Variants in GTF2IRD1 observed in about 807,000 individuals in gnomAD.
GTF2IRD1 encodes GTF2I repeat domain containing 1.
GTF2IRD1 carries 26 observed loss-of-function variants against 113.2 expected under a neutral mutation model. That is an observed-to-expected ratio of 0.23 (90% confidence interval 0.17 to 0.32). The LOEUF (loss-of-function observed/expected upper bound fraction) is 0.32, where lower values mean the gene tolerates loss of function less well. Ranked by LOEUF, GTF2IRD1 falls within the 10% of genes least tolerant of loss-of-function variation. The pLI, the probability that GTF2IRD1 is intolerant of heterozygous loss-of-function variation, is 1.00. For synonymous variants in GTF2IRD1, 484 were observed against 529.1 expected, an observed-to-expected ratio of 0.91 and a Z score of 1.17; for missense variants, 864 against 1,280.8, an observed-to-expected ratio of 0.67 and a Z score of 4.97.
chr7:74,571,580 A>C (rs1800697459), intron 22 of GTF2IRD1, among the ~76,000 whole-genome samples: 1 of 152,224 alleles, frequency 6.6e-6, no homozygotes, highest in African/African-American at 2.4e-5. Context: ...ACATGCTGCT[A>C]GCTGGGCACA....
At chr7:74,574,621 G>C (rs1040791165) in intron 22 of GTF2IRD1, among the ~76,000 whole-genome samples, 5 of 151,342 alleles carry the variant, frequency 3.3e-5, no homozygotes, top group Admixed American at 1.3e-4. Context: ...CACCGTGCCA[G>C]GCTAATTTTT....
intron 7 of GTF2IRD1, among the ~76,000 whole-genome samples, chr7:74,521,903 G>T (rs1159195563): frequency 6.6e-6 from 1 of 152,176 alleles, no homozygotes; most frequent in Non-Finnish European, 1.5e-5. Flanking sequence ...CTTTCATGAG[G>T]ATGCAGTCAA....
intron 2 of GTF2IRD1, among the ~76,000 whole-genome samples, chr7:74,508,690 T>TAAAAAAAAAAA (rs35760074): frequency 5.6e-4 from 74 of 132,048 alleles, no homozygotes; most frequent in African/African-American, 2.0e-3. Context: ...GACTCCGTCT[T>TAAAAAAAAAAA]AAAAAAAAAA....
chr7:74,490,943 A>G (rs1160341487), intron 1 of GTF2IRD1, among the ~76,000 whole-genome samples: 1 of 152,148 alleles, frequency 6.6e-6, no homozygotes, highest in African/African-American at 2.4e-5. Context: ...GGGTACAGCC[A>G]GTGAAGGAGC....
intron 4 of GTF2IRD1, among the ~76,000 whole-genome samples, chr7:74,517,646 C>T (rs1797027609): frequency 6.6e-6 from 1 of 151,912 alleles, no homozygotes; most frequent in Admixed American, 6.6e-5. Context: ...TCTCGAACTC[C>T]TGGCCTCAAG....
rs587674877 is a variant in GTF2IRD1, at chr7:74,549,986, G to A, written c.1916+2700G>A. On this transcript the variant is annotated intron_variant, in intron 17 of 26. Transcript: ENST00000424337. ...CAGGAGGCAGAAGTTGCAGTGAGCC[G>A]AGATCACGCCGTTGCACTCCAGCCT... 8.6e-5 allele frequency among the ~76,000 whole-genome samples: 13 copies of A among 151,604 alleles called. No homozygotes were observed. In the South Asian group the frequency reaches 1.9e-3, roughly 22 times the overall value.
chr7:74,541,261 C>T (rs1356439274), intron 14 of GTF2IRD1, among the ~76,000 whole-genome samples: 2 of 151,548 alleles, frequency 1.3e-5, no homozygotes, highest in Non-Finnish European at 2.9e-5. Flanking sequence ...GAGGCCAAGG[C>T]GAGGGTACTG....
At chr7:74,484,178 A>G (rs1270243768) in intron 1 of GTF2IRD1, among the ~76,000 whole-genome samples, 1 of 152,240 alleles carries the variant, frequency 6.6e-6, no homozygotes, top group Non-Finnish European at 1.5e-5. Flanking sequence ...ATTCTCTGTC[A>G]GCGTAATGGC....
chr7:74,595,139 C>A, intron 25 of GTF2IRD1, 88 bp downstream of exon 25: 1 of 881,176 alleles, frequency 1.1e-6, no homozygotes, highest in Non-Finnish European at 1.8e-6. Flanking sequence ...GGCGCAGTGG[C>A]TCATGCCTGT....
intron 1 of GTF2IRD1, among the ~76,000 whole-genome samples, chr7:74,456,973 C>T (rs1793026945): frequency 6.6e-6 from 1 of 152,012 alleles, no homozygotes; most frequent in African/African-American, 2.4e-5. Flanking sequence ...CTTTATATCC[C>T]CATGATGTCC....
At chr7:74,562,920 C>T (rs782610514) in intron 22 of GTF2IRD1, among the ~76,000 whole-genome samples, 1 of 152,090 alleles carries the variant, frequency 6.6e-6, no homozygotes, top group Admixed American at 6.6e-5. Flanking sequence ...ACAGAATGGA[C>T]CTTAGTCTGC....
At chr7:74,561,361 A>G (rs1426731671) in intron 22 of GTF2IRD1, among the ~76,000 whole-genome samples, 3 of 149,550 alleles carry the variant, frequency 2.0e-5, no homozygotes, top group African/African-American at 7.5e-5. Context: ...AAAAAAAAAA[A>G]AAAAGAACTT....
chr7:74,566,222 C>T (rs1459136032), intron 22 of GTF2IRD1, among the ~76,000 whole-genome samples: 1 of 152,192 alleles, frequency 6.6e-6, no homozygotes, highest in East Asian at 1.9e-4. Flanking sequence ...AAAACATAAA[C>T]ATGTTCCCAT....
intron 1 of GTF2IRD1, among the ~76,000 whole-genome samples, chr7:74,500,463 G>A (rs916030927): frequency 6.6e-6 from 1 of 151,786 alleles, no homozygotes; most frequent in African/African-American, 2.4e-5. Flanking sequence ...TGGGGTGATG[G>A]GTGTGCCAGT....
chr7:74,569,114 T>G (rs1229569770), intron 22 of GTF2IRD1, among the ~76,000 whole-genome samples: 1 of 152,086 alleles, frequency 6.6e-6, no homozygotes, highest in Non-Finnish European at 1.5e-5. Context: ...CTCCCAGAAG[T>G]AGCTCACTCT....
rs587604940 is a variant in GTF2IRD1 at position 74,587,309 on chromosome 7, G to T, written c.2321-2542G>T. Among the ~76,000 whole-genome samples, 6 of 152,202 alleles carry T rather than the reference G, an allele frequency of 3.9e-5. No individual in the cohort carries two copies. The East Asian group carries it at 1.2e-3, about 29-fold the overall frequency. On this transcript the variant is annotated intron_variant, in intron 22 of 26. Coordinates refer to ENST00000424337, the MANE Select transcript of GTF2IRD1 (RefSeq NM_005685.4). ...AATATACAAAAATTAACCGGACGTTGTGGCAGGCGCCTGTAGTCCCAGCTC... is the reference window on the plus strand; with the variant it reads ...AATATACAAAAATTAACCGGACGTTTTGGCAGGCGCCTGTAGTCCCAGCTC...
At chr7:74,510,568 C>T (rs1204588825) in intron 2 of GTF2IRD1, among the ~76,000 whole-genome samples, 5 of 151,382 alleles carry the variant, frequency 3.3e-5, no homozygotes, top group Non-Finnish European at 5.9e-5. Context: ...CTCAGCCTCC[C>T]AAAGTGCTGG....
At chr7:74,460,253 G>C (rs1449599566) in intron 1 of GTF2IRD1, among the ~76,000 whole-genome samples, 2 of 151,106 alleles carry the variant, frequency 1.3e-5, no homozygotes, top group Non-Finnish European at 2.9e-5. Context: ...CCAGCCAGCA[G>C]GGTCCTTTTT....
chr7:74,519,750 G>A (rs782818643), intron 6 of GTF2IRD1, 31 bp downstream of exon 6: 1 of 1,491,198 alleles, frequency 6.7e-7, no homozygotes, highest in Non-Finnish European at 9.1e-7. Context: ...TCCAAGTCTA[G>A]GGGGTGGGAC....
Sources: gnomAD v4.1 joint callset for allele counts (sites outside exome capture counted in the v4.1 genomes callset) on GRCh38, gnomAD v4.1.1 for gene constraint, MANE v1.5 for transcripts, NCBI Gene and HGNC (gene_info 2026-07-23, HGNC 2026-07-21) for gene names.